TF: variants seen among roughly 807,000 people sequenced by gnomAD.
The protein encoded by TF is serotransferrin.
In TF, 55 loss-of-function variants were observed where a neutral mutation model predicts 82.4. The observed-to-expected ratio is 0.67, with a 90% confidence interval of 0.54 to 0.84. TF has a LOEUF of 0.84. Among genes scored for constraint, TF ranks in the 40% least tolerant of loss-of-function variants. The pLI is 0.00. For missense variants in TF, 737 were observed against 868.4 expected (o/e 0.85, Z 1.90); for synonymous variants, 332 against 332.6 (o/e 1.00, Z 0.02).
the TF span, among the ~76,000 whole-genome samples, chr3:133,729,974 C>T: frequency 4.6e-5 from 7 of 152,124 alleles, no homozygotes; most frequent in African/African-American, 1.7e-4. Flanking sequence ...TTTGTAAATT[C>T]CTCTTTCTTT....
Position 133,778,613 on chromosome 3 carries a change from G to A in TF, c.2090G>A (p.Arg697Lys). The change falls in exon 17 of 17, where the codon AGA (arginine) becomes AAA (lysine). Residue 697 changes from arginine to lysine, a missense_variant. By Grantham distance (26) the Arg-to-Lys change is conservative (BLOSUM62 2). Coordinates refer to ENST00000402696, the MANE Select transcript of TF (RefSeq NM_001063.4). ...SSLLEACTFRRP is the reference protein window; with the variant it reads ...SSLLEACTFRKP ...CTCCTGGAAGCCTGCACTTTCCGTA[G>A]ACCTTAAAATCTCAGAGGTAGGGCT... 6.2e-7 allele frequency: 1 copy of A among 1,613,514 alleles called. No individual in the cohort carries two copies. Among genetic ancestry groups the A allele is most frequent in the Non-Finnish European group, 8.5e-7 (1 of 1,179,620 alleles).
chr3:133,764,290 G>A lies in TF; in HGVS notation c.1297+15G>A. 2 of 1,599,942 alleles carry A rather than the reference G, an allele frequency of 1.3e-6. No homozygotes were observed. The highest frequency in any genetic ancestry group is 1.7e-6 in the Non-Finnish European group (2 of 1,167,268). On this transcript the variant is annotated intron_variant, in intron 10 of 16. Coordinates refer to ENST00000402696, the MANE Select transcript of TF (RefSeq NM_001063.4). ...AAACTACAATAGTAAGTGGTGGGGAGCACCTCTCTGTGTTTTCTTCCCTCA... is the reference window on the plus strand; with the variant it reads ...AAACTACAATAGTAAGTGGTGGGGAACACCTCTCTGTGTTTTCTTCCCTCA...
At chr3:133,679,569 CTT>C in the TF span, among the ~76,000 whole-genome samples, 16 of 75,382 alleles carry the variant, frequency 2.1e-4, no homozygotes, top group Admixed American at 9.0e-4. Context: ...CTTTGTTTGG[CTT>C]TTTTTTTTTT....
the TF span, among the ~76,000 whole-genome samples, chr3:133,699,091 G>C: frequency 6.6e-6 from 1 of 152,242 alleles, no homozygotes; most frequent in African/African-American, 2.4e-5. Context: ...GCCTCTCCAA[G>C]TTGTTGTGAG....
the TF span, among the ~76,000 whole-genome samples, chr3:133,697,013 A>G: frequency 6.6e-6 from 1 of 152,200 alleles, no homozygotes; most frequent in Admixed American, 6.5e-5. Flanking sequence ...CTTGAGGAGA[A>G]TTTTAGATCA....
chr3:133,791,389 C>T lies in TF; in HGVS notation c.*12769C>T, dbSNP rs1934827154. On this transcript the variant is annotated 3_prime_UTR_variant, in exon 17 of 17. Coordinates refer to ENST00000402696, the MANE Select transcript of TF (RefSeq NM_001063.4). ...GTTTGCATATAGTCAAGCAGGGTTC[C>T]TAGGGCTGCTTTGGGAGACAGAACC... 1 of 152,046 alleles carries T rather than the reference C, an allele frequency of 6.6e-6. No individual in the cohort carries two copies. Among genetic ancestry groups the T allele is most frequent in the African/African-American group, 2.4e-5 (1 of 41,400 alleles). The allele number at this position is 152,046 out of a possible 1,614,324, so 9.4% of individuals were successfully genotyped here. A position where few individuals can be genotyped will look rare whatever the true frequency, so the allele number is the denominator to read the frequency against.
At chr3:133,746,506 A>G (rs1287109747) in intron 1 of TF, 23 bp downstream of exon 1, 3 of 1,589,358 alleles carry the variant, frequency 1.9e-6, no homozygotes, top group Non-Finnish European at 2.6e-6. Context: ...ACGGGGTAGC[A>G]CCGCAGAGTC....
the TF span, among the ~76,000 whole-genome samples, chr3:133,705,862 G>T: frequency 0.16 from 24,268 of 152,170 alleles, 2,320 homozygotes; most frequent in Middle Eastern, 0.22. Context: ...AATGACTGGA[G>T]GTGGAAAAAA....
the TF span, among the ~76,000 whole-genome samples, chr3:133,727,113 G>GA: frequency 6.6e-6 from 1 of 152,122 alleles, no homozygotes; most frequent in Non-Finnish European, 1.5e-5. Flanking sequence ...GTGTGGTGCT[G>GA]AAAAAAATGT....
the TF span, among the ~76,000 whole-genome samples, chr3:133,732,522 G>T: frequency 1.3e-5 from 2 of 152,286 alleles, no homozygotes; most frequent in African/African-American, 4.8e-5. Flanking sequence ...AACCCACTCC[G>T]GTTCCTTTTC....
intron 2 of TF, among the ~76,000 whole-genome samples, chr3:133,751,816 A>G (rs1296209063): frequency 6.6e-6 from 1 of 151,558 alleles, no homozygotes; most frequent in Non-Finnish European, 1.5e-5. Flanking sequence ...ACATGGTGAA[A>G]CCCCATCTCT....
At chr3:133,707,607 C>T in the TF span, 1 of 152,152 alleles carries the variant, frequency 6.6e-6, no homozygotes, top group African/African-American at 2.4e-5. Flanking sequence ...TTCCATCTGC[C>T]ATGTTGACTC....
At chr3:133,771,224 A>C (rs988835170) in intron 14 of TF, among the ~76,000 whole-genome samples, 2 of 152,244 alleles carry the variant, frequency 1.3e-5, no homozygotes, top group Non-Finnish European at 1.5e-5. Flanking sequence ...TACAAGAACC[A>C]ATTTGAAGGA....
the TF span, among the ~76,000 whole-genome samples, chr3:133,725,361 A>G: frequency 2.6e-5 from 4 of 151,888 alleles, no homozygotes; most frequent in Non-Finnish European, 5.9e-5. Context: ...CTCCTTGGGG[A>G]GGTCCTTCAC....
the TF span, among the ~76,000 whole-genome samples, chr3:133,694,581 C>G: frequency 6.6e-6 from 1 of 152,226 alleles, no homozygotes; most frequent in Non-Finnish European, 1.5e-5. Flanking sequence ...CCATGTTACC[C>G]TCCTAGACAA....
At chr3:133,721,593 A>G in the TF span, among the ~76,000 whole-genome samples, 1 of 152,318 alleles carries the variant, frequency 6.6e-6, no homozygotes, top group East Asian at 1.9e-4. Context: ...AATATCTTTT[A>G]GGCCAATTTG....
chr3:133,680,616 G>C, the TF span, among the ~76,000 whole-genome samples: 18 of 150,888 alleles, frequency 1.2e-4, no homozygotes, highest in Non-Finnish European at 2.2e-4. Flanking sequence ...TCCACACAAA[G>C]GCACATGGCC....
the TF span, among the ~76,000 whole-genome samples, chr3:133,669,529 T>C: frequency 4.6e-5 from 7 of 152,324 alleles, no homozygotes; most frequent in African/African-American, 1.7e-4. Context: ...TTATGGCCAA[T>C]AGAATATAGG....
chr3:133,663,943 G>T, the TF span, among the ~76,000 whole-genome samples: 1 of 152,216 alleles, frequency 6.6e-6, no homozygotes, highest in Non-Finnish European at 1.5e-5. Flanking sequence ...CCACTAGGGG[G>T]CAAGTTCTCC....
Sources: allele counts gnomAD v4.1 joint callset (sites outside exome capture counted in the v4.1 genomes callset), GRCh38; gene constraint gnomAD v4.1.1; transcripts MANE v1.5; gene names NCBI Gene and HGNC (gene_info 2026-07-23, HGNC 2026-07-21).